RABGAP1L: variants seen among roughly 807,000 people sequenced by gnomAD.
RABGAP1L encodes the protein RAB GTPase activating protein 1 like.
In RABGAP1L, 63 loss-of-function variants were observed where a neutral mutation model predicts 137.7. The observed-to-expected ratio is 0.46, with a 90% confidence interval of 0.37 to 0.56. The LOEUF is 0.56. Ranked by LOEUF, RABGAP1L falls within the 20% of genes least tolerant of loss-of-function variation. The probability of loss-of-function intolerance (pLI) is 0.00; values close to 1 mark genes in which losing one functional copy is unlikely to be tolerated. For missense variants in RABGAP1L, 1,095 were observed against 1,244.0 expected, an observed-to-expected ratio of 0.88 and a Z score of 1.80; for synonymous variants, 431 against 433.7, an observed-to-expected ratio of 0.99 and a Z score of 0.08.
intron 11 of RABGAP1L, among the ~76,000 whole-genome samples, chr1:174,368,573 T>C (rs1287071822): frequency 2.0e-5 from 3 of 152,202 alleles, no homozygotes; most frequent in African/African-American, 7.2e-5. Flanking sequence ...ACATTTTTAT[T>C]TTAGTCATGT....
At chr1:174,292,332 T>A (rs1293428191) in intron 10 of RABGAP1L, among the ~76,000 whole-genome samples, 2 of 92,470 alleles carry the variant, frequency 2.2e-5, no homozygotes, top group South Asian at 2.9e-4. Context: ...ACCTAATCTT[T>A]TTTTTTTTTT....
At chr1:174,317,756 T>C (rs963717203) in intron 11 of RABGAP1L, among the ~76,000 whole-genome samples, 1 of 152,166 alleles carries the variant, frequency 6.6e-6, no homozygotes, top group African/African-American at 2.4e-5. Flanking sequence ...GCCTTTCACA[T>C]TTACTTGTAC....
intron 13 of RABGAP1L, among the ~76,000 whole-genome samples, chr1:174,398,101 A>T (rs932165213): frequency 6.6e-6 from 1 of 152,176 alleles, no homozygotes; most frequent in African/African-American, 2.4e-5. Flanking sequence ...CCCTCCTGGT[A>T]TTATCCTCAA....
intron 1 of RABGAP1L, among the ~76,000 whole-genome samples, chr1:174,190,494 T>C (rs1222825057): frequency 2.6e-5 from 4 of 152,320 alleles, no homozygotes; most frequent in East Asian, 1.9e-4. Context: ...TCTGCTAGTT[T>C]CATACTTTTC....
chr1:174,383,691 G>T (rs1213456540), intron 12 of RABGAP1L, among the ~76,000 whole-genome samples: 1 of 152,110 alleles, frequency 6.6e-6, no homozygotes, highest in Non-Finnish European at 1.5e-5. Context: ...CCACTGTCTG[G>T]CACTCCCTAG....
At chr1:174,384,448 A>G (rs1252509340) in intron 12 of RABGAP1L, among the ~76,000 whole-genome samples, 1 of 151,952 alleles carries the variant, frequency 6.6e-6, no homozygotes, top group Non-Finnish European at 1.5e-5. Flanking sequence ...GACAAAAAAG[A>G]AAAAAAAGCC....
chr1:174,402,956 G>T (rs1364843420), intron 13 of RABGAP1L, among the ~76,000 whole-genome samples: 2 of 151,966 alleles, frequency 1.3e-5, no homozygotes, highest in Non-Finnish European at 2.9e-5. Context: ...TGACATATAT[G>T]GTATAGTTTG....
At chr1:174,501,584 A>C (rs1661283770) in intron 13 of RABGAP1L, among the ~76,000 whole-genome samples, 1 of 152,176 alleles carries the variant, frequency 6.6e-6, no homozygotes, top group Non-Finnish European at 1.5e-5. Flanking sequence ...CATTGTGAGA[A>C]GATTTAGTTG....
intron 13 of RABGAP1L, among the ~76,000 whole-genome samples, chr1:174,410,782 T>C (rs1201289278): frequency 6.6e-6 from 1 of 152,150 alleles, no homozygotes; most frequent in Non-Finnish European, 1.5e-5. Flanking sequence ...TGAAAACTAA[T>C]GTTGGTAGTT....
intron 19 of RABGAP1L, among the ~76,000 whole-genome samples, chr1:174,846,351 C>T (rs1694048558): frequency 6.6e-6 from 1 of 151,406 alleles, no homozygotes; most frequent in East Asian, 2.0e-4. Context: ...CCCGCTTTCT[C>T]TTGTGGGCAT....
At chr1:174,252,630 T>C (rs762056851) in intron 7 of RABGAP1L, 40 bp downstream of exon 7, 1 of 1,591,610 alleles carries the variant, frequency 6.3e-7, no homozygotes, top group Non-Finnish European at 8.5e-7. Context: ...AAACTTGTAT[T>C]GACATTGTTA....
intron 11 of RABGAP1L, among the ~76,000 whole-genome samples, chr1:174,307,018 G>T (rs1215323376): frequency 1.3e-5 from 2 of 151,880 alleles, no homozygotes; most frequent in East Asian, 1.9e-4. Context: ...TATTTATTTA[G>T]TGCTTACTAT....
chr1:174,302,881 T>A (rs1677851697), intron 10 of RABGAP1L, among the ~76,000 whole-genome samples: 1 of 152,210 alleles, frequency 6.6e-6, no homozygotes, highest in Non-Finnish European at 1.5e-5. Flanking sequence ...TGAAGATGCA[T>A]GTTGGTTTAA....
At chr1:174,878,471 C>T (rs1273955113) in intron 19 of RABGAP1L, among the ~76,000 whole-genome samples, 1 of 152,150 alleles carries the variant, frequency 6.6e-6, no homozygotes, top group African/African-American at 2.4e-5. Flanking sequence ...GGTGATCCGC[C>T]TGCCTCACCT....
rs368685860 is a variant in RABGAP1L at position 174,289,191 on chromosome 1, C to G, written c.1323+10412C>G. On this transcript the variant is annotated intron_variant, in intron 10 of 25. Coordinates refer to ENST00000681986, the MANE Select transcript of RABGAP1L (RefSeq NM_001366446.1). ...TAGCTAGAAAAACAGGCATGGGCCACCACACCCACCTAATTTTTTAAAAAT... is the reference window on the plus strand; with the variant it reads ...TAGCTAGAAAAACAGGCATGGGCCAGCACACCCACCTAATTTTTTAAAAAT... 2.0e-5 allele frequency among the ~76,000 whole-genome samples: 3 copies of G among 152,176 alleles called. No individual in the cohort carries two copies. The South Asian group carries it at 6.2e-4, about 32-fold the overall frequency.
intron 19 of RABGAP1L, among the ~76,000 whole-genome samples, chr1:174,920,254 G>A (rs1661571747): frequency 6.6e-6 from 1 of 152,216 alleles, no homozygotes; most frequent in Admixed American, 6.5e-5. Context: ...GTTCTACCTG[G>A]CTGGGGAAGC....
At chr1:174,657,860 A>G (rs557767139) in intron 14 of RABGAP1L, among the ~76,000 whole-genome samples, 1 of 152,174 alleles carries the variant, frequency 6.6e-6, no homozygotes, top group African/African-American at 2.4e-5. Context: ...ACCTTCTCAG[A>G]CAGCCACAAA....
At chr1:174,578,022 T>G (rs1185959018) in intron 13 of RABGAP1L, among the ~76,000 whole-genome samples, 1 of 152,244 alleles carries the variant, frequency 6.6e-6, no homozygotes, top group Non-Finnish European at 1.5e-5. Flanking sequence ...GGAAATAGCT[T>G]AAGTACTGGG....
chr1:174,699,979 A>G (rs1229832704), intron 16 of RABGAP1L, among the ~76,000 whole-genome samples: 1 of 152,212 alleles, frequency 6.6e-6, no homozygotes, highest in Non-Finnish European at 1.5e-5. Flanking sequence ...GAAATACCTA[A>G]GAGCTTTCTG....
Sources: gnomAD v4.1 joint callset for allele counts (sites outside exome capture counted in the v4.1 genomes callset) on GRCh38, gnomAD v4.1.1 for gene constraint, MANE v1.5 for transcripts, NCBI Gene and HGNC (gene_info 2026-07-23, HGNC 2026-07-21) for gene names.